CCDC88A: variants seen among roughly 807,000 people sequenced by gnomAD.
The protein encoded by CCDC88A is girdin.
In CCDC88A, 54 loss-of-function variants were observed where a neutral mutation model predicts 234.3. The ratio of observed to expected loss-of-function variants is 0.23; its 90% confidence interval spans 0.19 to 0.29. The LOEUF (loss-of-function observed/expected upper bound fraction) is 0.29, where lower values mean the gene tolerates loss of function less well. Ranked by LOEUF, CCDC88A falls within the 10% of genes least tolerant of loss-of-function variation. CCDC88A has a pLI of 1.00. For synonymous variants in CCDC88A, 753 were observed against 737.8 expected (o/e 1.02, Z -0.33); for missense variants, 1,832 against 2,123.4 (o/e 0.86, Z 2.70).
chr2:55,400,933 C>G (rs1389854391), intron 2 of CCDC88A, among the ~76,000 whole-genome samples: 1 of 152,074 alleles, frequency 6.6e-6, no homozygotes, highest in Non-Finnish European at 1.5e-5. Context: ...TATGATACAT[C>G]TGAAATAACT....
intron 2 of CCDC88A, among the ~76,000 whole-genome samples, 177 bp from the exon 3 acceptor site, chr2:55,389,063 T>G (rs976806219): frequency 1.3e-5 from 2 of 152,198 alleles, no homozygotes; most frequent in African/African-American, 4.8e-5. Flanking sequence ...TGCTTCTAAT[T>G]AATACAAATG....
At chr2:55,401,708 C>T (rs1422364008) in intron 2 of CCDC88A, among the ~76,000 whole-genome samples, 1 of 151,426 alleles carries the variant, frequency 6.6e-6, no homozygotes, top group African/African-American at 2.4e-5. Context: ...TGGAGAGGTA[C>T]ATGACATATA....
intron 28 of CCDC88A, 62 bp downstream of exon 28, chr2:55,301,144 G>C (rs1388108784): frequency 3.1e-6 from 3 of 964,784 alleles, no homozygotes; most frequent in Non-Finnish European, 3.3e-6. Context: ...TTAAAGGCAA[G>C]AGTCCTAGCA....
At chr2:55,326,060 G>A (rs781420409) in intron 17 of CCDC88A, among the ~76,000 whole-genome samples, 3 of 151,936 alleles carry the variant, frequency 2.0e-5, no homozygotes, top group Non-Finnish European at 4.4e-5. Context: ...TTTAACTGGG[G>A]TGTTTAGACC....
At chr2:55,398,540 G>T (rs1678019633) in intron 2 of CCDC88A, among the ~76,000 whole-genome samples, 1 of 152,142 alleles carries the variant, frequency 6.6e-6, no homozygotes, top group Admixed American at 6.5e-5. Context: ...TAGGATCACG[G>T]AAAACAGGCC....
intron 2 of CCDC88A, among the ~76,000 whole-genome samples, chr2:55,411,732 A>T (rs191694066): frequency 5.2e-4 from 76 of 146,416 alleles, no homozygotes; most frequent in African/African-American, 1.7e-3. Flanking sequence ...GTGAGCCGAG[A>T]TCACGCCACT....
intron 7 of CCDC88A, among the ~76,000 whole-genome samples, chr2:55,357,323 C>CCTTCCTTG (rs1470151620): frequency 6.6e-6 from 1 of 150,710 alleles, no homozygotes; most frequent in Non-Finnish European, 1.5e-5. Context: ...TTCCTTCCTT[C>CCTTCCTTG]CTTCCTTCTT....
intron 25 of CCDC88A, among the ~76,000 whole-genome samples, chr2:55,306,868 G>A (rs1040005390): frequency 1.3e-5 from 2 of 152,112 alleles, no homozygotes; most frequent in Admixed American, 6.5e-5. Context: ...GAGCCACCGC[G>A]CCTGGCCTAT....
chr2:55,356,783 T>C (rs1670642367), intron 7 of CCDC88A: 1 of 151,972 alleles, frequency 6.6e-6, no homozygotes, highest in Non-Finnish European at 1.5e-5. Context: ...TACCAAAAAA[T>C]TAGCTGGGCA....
In CCDC88A at chr2:55,335,366, C is replaced by T. The variant is rs1574157307; in HGVS notation, c.1657-202G>A. ...TACTGAAGACCACTGTGTACACTTA[C>T]TGTGAGGTCATTAAAGTTCATGTTT... On this transcript the variant is annotated intron_variant, in intron 14 of 32. Transcript: ENST00000436346. This position sits in a 1 kb window ranked among gnomAD's most constrained non-coding sequence, Gnocchi z 4.5. 1.3e-5 allele frequency among the ~76,000 whole-genome samples: 2 copies of T among 151,778 alleles called. No individual in the cohort carries two copies. Among genetic ancestry groups the T allele is most frequent in the Admixed American group, 1.3e-4 (2 of 15,250 alleles).
intron 4 of CCDC88A, among the ~76,000 whole-genome samples, chr2:55,374,212 A>G (rs1673251332): frequency 6.6e-6 from 1 of 152,150 alleles, no homozygotes; most frequent in South Asian, 2.1e-4. Context: ...TGTCTCTACT[A>G]AAAATACAGA....
In CCDC88A at chr2:55,309,127, C is replaced by T. The variant is rs1682003736; in HGVS notation, c.4172+35G>A. Reference sequence around the variant, plus strand: ...TTAGAAATAACCTAGTGTTTTTTTTCAGAATAAGAATTCATAAAATTTGGT... The same window carrying T: ...TTAGAAATAACCTAGTGTTTTTTTTTAGAATAAGAATTCATAAAATTTGGT... On this transcript the variant is annotated intron_variant, in intron 24 of 32. Transcript: ENST00000436346. This position sits in a 1 kb window ranked among gnomAD's most constrained non-coding sequence, Gnocchi z 5.1. 1 of 1,440,560 alleles carries T rather than the reference C, an allele frequency of 6.9e-7. No homozygotes were observed. Among genetic ancestry groups the T allele is most frequent in the South Asian group, 1.2e-5 (1 of 82,838 alleles). 89.2% of individuals were successfully genotyped at this position (1,440,560 alleles called of 1,614,324 possible). A position where few individuals can be genotyped will look rare whatever the true frequency, so the allele number is the denominator to read the frequency against.
rs891603141 is a variant in CCDC88A, at chr2:55,309,608, G to A, written c.4080-354C>T. 1.1e-4 allele frequency among the ~76,000 whole-genome samples: 16 copies of A among 152,102 alleles called. No homozygotes were observed. Among genetic ancestry groups the A allele is most frequent in the Non-Finnish European group, 2.1e-4 (14 of 67,998 alleles). Reference sequence around the variant, plus strand: ...CTTTTCGGCAGAATTACTTAGGTTTGATTTACTTGTAGAGAACCATTTCCT... The same window carrying A: ...CTTTTCGGCAGAATTACTTAGGTTTAATTTACTTGTAGAGAACCATTTCCT... On this transcript the variant is annotated intron_variant, in intron 23 of 32. Coordinates refer to ENST00000436346, the MANE Select transcript of CCDC88A (RefSeq NM_001365480.1). The surrounding 1 kb of genome is among the most constrained non-coding windows in gnomAD (Gnocchi z 5.1).
intron 17 of CCDC88A, among the ~76,000 whole-genome samples, chr2:55,326,015 T>C (rs896291719): frequency 6.6e-6 from 1 of 152,168 alleles, no homozygotes; most frequent in Non-Finnish European, 1.5e-5. Context: ...TATAGATGGG[T>C]CTTATCTTTT....
At chr2:55,304,767 A>G (rs1204263794) in intron 25 of CCDC88A, among the ~76,000 whole-genome samples, 1 of 152,234 alleles carries the variant, frequency 6.6e-6, no homozygotes, top group Non-Finnish European at 1.5e-5. Flanking sequence ...ACATTTTAGT[A>G]AGATTTAACT....
At chr2:55,304,145 C>CA (rs1681240277) in intron 25 of CCDC88A, among the ~76,000 whole-genome samples, 1 of 149,964 alleles carries the variant, frequency 6.7e-6, no homozygotes, top group Non-Finnish European at 1.5e-5. Context: ...CCCATCCCTA[C>CA]AAAAAATTAG....
chr2:55,399,347 A>G (rs1447745650), intron 2 of CCDC88A, among the ~76,000 whole-genome samples: 7 of 151,978 alleles, frequency 4.6e-5, no homozygotes, highest in African/African-American at 1.7e-4. Context: ...CAAGATGGTG[A>G]AACCCCGTCT....
intron 3 of CCDC88A, among the ~76,000 whole-genome samples, chr2:55,380,871 C>T (rs1329241109): frequency 5.3e-5 from 8 of 152,184 alleles, no homozygotes; most frequent in Non-Finnish European, 7.3e-5. Context: ...TTGCCTTGGC[C>T]TCCCAAAGTG....
intron 2 of CCDC88A, among the ~76,000 whole-genome samples, chr2:55,416,591 C>T (rs1681523760): frequency 1.3e-5 from 2 of 149,048 alleles, no homozygotes; most frequent in Admixed American, 1.3e-4. Flanking sequence ...GCACAAGAAA[C>T]ATGGAAAATA....
Sources: allele counts gnomAD v4.1 joint callset (sites outside exome capture counted in the v4.1 genomes callset), GRCh38; gene constraint gnomAD v4.1.1; non-coding constraint Gnocchi (gnomAD v3.1); transcripts MANE v1.5; gene names NCBI Gene and HGNC (gene_info 2026-07-23, HGNC 2026-07-21).